Variants in MYO19 observed in about 807,000 individuals in gnomAD.
MYO19 encodes unconventional myosin-XIX.
Under a neutral mutation model 129.2 loss-of-function variants are expected in MYO19, and 132 were observed. That is an observed-to-expected ratio of 1.02 (90% CI 0.89 to 1.18). MYO19 has a LOEUF of 1.18. Among genes scored for constraint, MYO19 ranks in the 50% most tolerant of loss-of-function variants. The pLI, the probability that MYO19 is intolerant of heterozygous loss-of-function variation, is 0.00. For synonymous variants in MYO19, 531 were observed against 477.2 expected, an observed-to-expected ratio of 1.11 and a Z score of -1.47; for missense variants, 1,210 against 1,216.7, an observed-to-expected ratio of 0.99 and a Z score of 0.08.
At chr17:36,525,589 C>T (rs2073415142) in intron 5 of MYO19, among the ~76,000 whole-genome samples, 2 of 152,294 alleles carry the variant, frequency 1.3e-5, no homozygotes, top group South Asian at 4.1e-4. Context: ...ACTTTATACC[C>T]CCATCTTATC....
intron 6 of MYO19, among the ~76,000 whole-genome samples, chr17:36,516,217 T>C (rs568726262): frequency 6.6e-6 from 1 of 151,664 alleles, no homozygotes; most frequent in South Asian, 2.1e-4. Flanking sequence ...GACACTGAGC[T>C]ATCGAGGCTT....
intron 2 of MYO19, 133 bp downstream of exon 2, chr17:36,533,820 G>A (rs2073970140): frequency 6.6e-6 from 1 of 152,210 alleles, no homozygotes; most frequent in Non-Finnish European, 1.5e-5. Flanking sequence ...ACAGGTTTGG[G>A]GTTTGAATCC....
chr17:36,525,364 G>C, intron 5 of MYO19, 23 bp from the exon 6 acceptor site: 1 of 1,523,100 alleles, frequency 6.6e-7, no homozygotes, highest in Non-Finnish European at 9.1e-7. Flanking sequence ...GGAGTGAAAG[G>C]TCATGTGAGG....
At chr17:36,539,079 C>G (rs2074180867), upstream of MYO19, 1 of 167,316 alleles carries the variant, frequency 6.0e-6, no homozygotes, top group Non-Finnish European at 1.5e-5. Context: ...TAATGTATCT[C>G]AACAATAAAA....
chr17:36,510,078 G>A (rs1355209913), intron 13 of MYO19, among the ~76,000 whole-genome samples: 2 of 152,198 alleles, frequency 1.3e-5, no homozygotes, highest in East Asian at 1.9e-4. Flanking sequence ...CCCCAGAAAG[G>A]TGCCCAAGGT....
At chr17:36,530,244 C>T (rs1428319143) in intron 3 of MYO19, among the ~76,000 whole-genome samples, 6 of 151,974 alleles carry the variant, frequency 3.9e-5, no homozygotes, top group African/African-American at 9.7e-5. Context: ...CCCAGGAGGT[C>T]GAGGCTACAG....
At chr17:36,525,166 C>G in intron 6 of MYO19, 62 bp downstream of exon 6, 1 of 1,251,102 alleles carries the variant, frequency 8.0e-7, no homozygotes, top group South Asian at 1.2e-5. Context: ...AAGGAATGAC[C>G]CCTGCCTCCC....
At position 36,510,765 on chromosome 17, in the gene MYO19, C is replaced by T; in HGVS notation, c.1138G>A (p.Ala380Thr). ...AECDTRRDCLAKLIYARLFDW... is the reference protein window; with the variant it reads ...AECDTRRDCLTKLIYARLFDW... ...GCTCACCGCGCATAGATCAGTTTGG[C>T]CAGGCAGTCTCTACGGGTGTCACAC... Residue 380 changes from alanine to threonine, a missense_variant, in exon 13 of 26, where the codon GCC becomes ACC. Transcript: ENST00000614623. The T allele has an allele frequency of 1.2e-6, 2 of 1,607,678 alleles. No individual in the cohort carries two copies. Among genetic ancestry groups the T allele is most frequent in the Non-Finnish European group, 1.7e-6 (2 of 1,176,878 alleles).
intron 5 of MYO19, among the ~76,000 whole-genome samples, chr17:36,527,197 T>A (rs1030855170): frequency 7.3e-5 from 11 of 151,552 alleles, no homozygotes; most frequent in Non-Finnish European, 1.5e-4. Context: ...TAAATAATAA[T>A]AAAAAATAAA....
At chr17:36,530,286 C>T (rs1037332168) in intron 3 of MYO19, among the ~76,000 whole-genome samples, 2 of 152,084 alleles carry the variant, frequency 1.3e-5, no homozygotes, top group Admixed American at 1.3e-4. Context: ...CACTGGGCAA[C>T]AAAGTGAGAC....
At chr17:36,513,060 T>C (rs1301928361) in intron 11 of MYO19, 21 of 1,226,460 alleles carry the variant, frequency 1.7e-5, no homozygotes, top group Non-Finnish European at 2.2e-5. Flanking sequence ...CAGAGGACTG[T>C]TTAAAAAACT....
chr17:36,533,785 G>A (rs2073966587), intron 2 of MYO19, 168 bp downstream of exon 2: 1 of 152,284 alleles, frequency 6.6e-6, no homozygotes, highest in Admixed American at 6.5e-5. Context: ...CTCATCTCAA[G>A]CAATAGGTCC....
chr17:36,527,459 G>A lies in MYO19; in HGVS notation c.300+92C>T, dbSNP rs187004082. 4.3e-6 allele frequency: 6 copies of A among 1,399,158 alleles called. No homozygotes were observed. In the East Asian group the frequency reaches 1.2e-4, roughly 28 times the overall value. 86.7% of individuals were successfully genotyped at this position (1,399,158 alleles called of 1,614,324 possible). On this transcript the variant is annotated intron_variant, in intron 5 of 25. Coordinates refer to ENST00000614623, the MANE Select transcript of MYO19 (RefSeq NM_001163735.2). ...GCAGACTCTGAATGACCACATTGCT[G>A]GTGAATAGATGAATAAGGACAGGGG...
chr17:36,543,502 T>C (rs1192358753), upstream of MYO19: 2 of 152,098 alleles, frequency 1.3e-5, no homozygotes, highest in Non-Finnish European at 2.9e-5. Context: ...GAATGAACAA[T>C]GGTTCTTCGT....
At chr17:36,537,961 A>G, upstream of MYO19, 1 of 1,614,046 alleles carries the variant, frequency 6.2e-7, no homozygotes, top group Non-Finnish European at 8.5e-7. Context: ...TTAATATTAT[A>G]TGGCACTGAT....
chr17:36,507,358 A>C, intron 16 of MYO19, 41 bp downstream of exon 16: 1 of 1,583,456 alleles, frequency 6.3e-7, no homozygotes, highest in Non-Finnish European at 8.7e-7. Context: ...GAAAACCCAA[A>C]GGCCAACTCT....
chr17:36,500,783 T>A, intron 23 of MYO19, 47 bp downstream of exon 23: 3 of 1,567,856 alleles, frequency 1.9e-6, no homozygotes, highest in Non-Finnish European at 2.6e-6. Context: ...GAAACCAACA[T>A]CCTGTGGGGT....
Position 36,513,741 on chromosome 17 carries a change from G to A in MYO19, c.721-16C>T. On this transcript the variant is annotated splice_polypyrimidine_tract_variant and intron_variant, in intron 9 of 25. Transcript: ENST00000614623. ...CTTTGCAAATCTGTGGAGAAGGGTA[G>A]GTGGGAGGCTGGGTAGGGGGTCTGA... is the stretch of plus-strand genomic sequence containing the variant. The A allele has an allele frequency of 6.2e-7, 1 of 1,610,366 alleles. No homozygotes were observed. The highest frequency in any genetic ancestry group is 8.5e-7 in the Non-Finnish European group (1 of 1,177,958).
intron 13 of MYO19, chr17:36,509,409 G>A (rs1056515018): frequency 3.8e-6 from 2 of 529,144 alleles, no homozygotes; most frequent in Non-Finnish European, 6.8e-6. Flanking sequence ...TCCTAGGCTG[G>A]GGAGGGAATC....
Sources: allele counts gnomAD v4.1 joint callset (sites outside exome capture counted in the v4.1 genomes callset), GRCh38; gene constraint gnomAD v4.1.1; transcripts MANE v1.5; gene names NCBI Gene and HGNC (gene_info 2026-07-23, HGNC 2026-07-21).